PCDHGB1: variants seen among roughly 807,000 people sequenced by gnomAD.
PCDHGB1 encodes the protein protocadherin gamma-B1.
Under a neutral mutation model 56.6 loss-of-function variants are expected in PCDHGB1, and 34 were observed. The observed-to-expected ratio is 0.60, with a 90% CI of 0.46 to 0.80. The LOEUF is 0.80. Among genes scored for constraint, PCDHGB1 ranks in the 30% least tolerant of loss-of-function variants. The pLI is 0.00. For missense variants in PCDHGB1, 1,278 were observed against 1,204.6 expected (o/e 1.06, Z -0.90); for synonymous variants, 561 against 505.9 (o/e 1.11, Z -1.46).
At chr5:141,370,775 C>T (rs1767193256) in intron 1 of PCDHGB1, 2 of 1,613,848 alleles carry the variant, frequency 1.2e-6, no homozygotes, top group South Asian at 1.1e-5. Flanking sequence ...AGGATATTAA[C>T]GACAACCCAC....
In PCDHGB1 at chr5:141,389,793, C is replaced by T. The variant is rs773579820; in HGVS notation, c.2409+37124C>T. On this transcript the variant is annotated intron_variant, in intron 1 of 3. Coordinates refer to ENST00000523390, the MANE Select transcript of PCDHGB1 (RefSeq NM_018922.3). Reference sequence around the variant, plus strand: ...TGCCTTAGGCGACAGGGACGCCGTCCGCCAGCGCCTTCTGGTCGCCGTGCG... The same window carrying T: ...TGCCTTAGGCGACAGGGACGCCGTCTGCCAGCGCCTTCTGGTCGCCGTGCG... 8.7e-6 allele frequency: 14 copies of T among 1,613,452 alleles called. No homozygotes were observed. The Admixed American group carries it at 1.8e-4, about 21-fold the overall frequency.
At position 141,444,152 on chromosome 5, in the gene PCDHGB1, A is replaced by ATT. The variant is rs747671382; in HGVS notation, c.2410-50620_2410-50619dup. ...GATATGTGTCACTTGTGTGTACTGG[A>ATT]TTTTTTTTTTTTTTTTTTTTTTTTT... On this transcript the variant is annotated intron_variant, in intron 1 of 3. Coordinates refer to ENST00000523390, the MANE Select transcript of PCDHGB1 (RefSeq NM_018922.3). Among the ~76,000 whole-genome samples, 286 of 33,894 alleles carry ATT rather than the reference A, an allele frequency of 8.4e-3. 107 individuals carry two copies. The highest frequency in any genetic ancestry group is 0.011 in the African/African-American group (76 of 7,180). The allele number at this position is 33,894 out of a possible 152,430, so 22.2% of individuals were successfully genotyped here. A position where few individuals can be genotyped will look rare whatever the true frequency, so the allele number is the denominator to read the frequency against.
At chr5:141,365,941 T>A (rs1175439180) in intron 1 of PCDHGB1, 1 of 1,614,152 alleles carries the variant, frequency 6.2e-7, no homozygotes, top group East Asian at 2.2e-5. Context: ...CCAGCGACAG[T>A]GGGAACCCTC....
At chr5:141,362,593 A>G (rs777823530) in intron 1 of PCDHGB1, 1 of 1,589,406 alleles carries the variant, frequency 6.3e-7, no homozygotes, top group Non-Finnish European at 8.6e-7. Context: ...TTCTGGTTTT[A>G]TTGTTTCACC....
intron 1 of PCDHGB1, among the ~76,000 whole-genome samples, chr5:141,402,647 A>C (rs2094289901): frequency 6.6e-6 from 1 of 152,250 alleles, no homozygotes; most frequent in Non-Finnish European, 1.5e-5. Flanking sequence ...TCATAATTAG[A>C]AGAGAGTAGT....
intron 1 of PCDHGB1, chr5:141,360,095 C>T (rs1402675837): frequency 2.6e-6 from 4 of 1,524,018 alleles, no homozygotes; most frequent in South Asian, 2.6e-5. Context: ...CCCCGGAAGG[C>T]TTATTCCTCC....
chr5:141,398,497 G>A, intron 1 of PCDHGB1: 1 of 1,570,856 alleles, frequency 6.4e-7, no homozygotes, highest in Non-Finnish European at 8.6e-7. Context: ...TGTGGAGATC[G>A]AGGACATTAA....
At position 141,438,956 on chromosome 5, in the gene PCDHGB1, G is replaced by A. The variant is rs140181975; in HGVS notation, c.2410-55851G>A. 3.9e-3 allele frequency among the ~76,000 whole-genome samples: 592 copies of A among 151,974 alleles called. 6 individuals are homozygous for A. Among genetic ancestry groups the A allele is most frequent in the Admixed American group, 0.011 (171 of 15,242 alleles). On this transcript the variant is annotated intron_variant, in intron 1 of 3. Coordinates refer to ENST00000523390, the MANE Select transcript of PCDHGB1 (RefSeq NM_018922.3). ...GCTGGGATTATAGGCATGAGCCACCGCACCCTGCCAACTGTCTGACTTATC... is the reference window on the plus strand; with the variant it reads ...GCTGGGATTATAGGCATGAGCCACCACACCCTGCCAACTGTCTGACTTATC...
chr5:141,351,896 G>A lies in PCDHGB1; in HGVS notation c.1636G>A (p.Val546Met), dbSNP rs775011195. 2.2e-5 allele frequency: 35 copies of A among 1,613,322 alleles called. No individual in the cohort carries two copies. The highest frequency in any genetic ancestry group is 2.6e-5 in the Non-Finnish European group (31 of 1,179,764). The change falls in exon 1 of 4, where the codon GTG (valine) becomes ATG (methionine). Residue 546 changes from valine (V) to methionine (M), a missense_variant. Physicochemically the swap from Val to Met is conservative, Grantham distance 21. Transcript: ENST00000523390. The part of the protein sequence containing the change: ...PALSANVSLR[V>M]LVGDLNDNAP... ...GCTCAGCGCCAACGTGAGCCTGCGC[G>A]TGTTGGTGGGCGACCTCAATGACAA...
intron 1 of PCDHGB1, chr5:141,492,023 C>T: frequency 1.8e-6 from 1 of 564,804 alleles, no homozygotes; most frequent in Non-Finnish European, 3.0e-6. Context: ...TCGGGGGTCC[C>T]GGGAGGAGGC....
At chr5:141,383,386 G>A in intron 1 of PCDHGB1, 1 of 1,614,000 alleles carries the variant, frequency 6.2e-7, no homozygotes. Context: ...TCCAGATGTG[G>A]GCACGAACTC....
chr5:141,468,598 G>A (rs1250884127), intron 1 of PCDHGB1: 1 of 152,228 alleles, frequency 6.6e-6, no homozygotes, highest in African/African-American at 2.4e-5. Context: ...TGGGCGCGGT[G>A]GCTCACGCCT....
chr5:141,478,163 C>G (rs779617960), intron 1 of PCDHGB1: 22 of 1,614,028 alleles, frequency 1.4e-5, no homozygotes, highest in Non-Finnish European at 1.9e-5. Context: ...TGGCTCTGCC[C>G]CCCGGGAGCA....
intron 3 of PCDHGB1, 61 bp downstream of exon 3, chr5:141,505,542 A>C: frequency 2.6e-5 from 42 of 1,604,950 alleles, no homozygotes; most frequent in Non-Finnish European, 3.2e-5. Flanking sequence ...GGTGCATCTC[A>C]CAGCCACCAT....
At chr5:141,357,004 G>A (rs1280920888) in intron 1 of PCDHGB1, 2 of 1,614,086 alleles carry the variant, frequency 1.2e-6, no homozygotes, top group African/African-American at 1.3e-5. Flanking sequence ...AGGTCAGAAT[G>A]CCTGGCTGTC....
chr5:141,415,167 C>T (rs769256903), intron 1 of PCDHGB1: 3 of 1,613,894 alleles, frequency 1.9e-6, no homozygotes, highest in Admixed American at 3.3e-5. Flanking sequence ...CTGTCACGCT[C>T]ACCGTGGCCG....
At chr5:141,419,096 G>T in intron 1 of PCDHGB1, 9 of 1,613,918 alleles carry the variant, frequency 5.6e-6, no homozygotes, top group Non-Finnish European at 7.6e-6. Context: ...CCTGGATCGG[G>T]AGCAGACCCC....
intron 1 of PCDHGB1, chr5:141,400,209 G>A: frequency 6.2e-7 from 1 of 1,614,052 alleles, no homozygotes; most frequent in South Asian, 1.1e-5. Context: ...CCTTGGCCTT[G>A]ATCTCAGTGC....
Position 141,350,346 on chromosome 5 carries a change from A to G in PCDHGB1, c.86A>G (p.Gln29Arg). 6.4e-7 allele frequency: 1 copy of G among 1,557,504 alleles called. No individual in the cohort carries two copies. The highest frequency in any genetic ancestry group is 8.7e-7 in the Non-Finnish European group (1 of 1,152,406). The change falls in exon 1 of 4, where the codon CAG becomes CGG. Residue 29 changes from glutamine (Q) to arginine (R), a missense_variant. Coordinates refer to ENST00000523390, the MANE Select transcript of PCDHGB1 (RefSeq NM_018922.3). ...TCTTTGTTCTGCGGGGCCATCTCCC[A>G]GCAGATCCGATACACGATTCCAGAG... Reference protein sequence around the residue: ...LLSLFCGAISQQIRYTIPEEL... With the variant: ...LLSLFCGAISRQIRYTIPEEL...
Sources: gnomAD v4.1 joint callset for allele counts (sites outside exome capture counted in the v4.1 genomes callset) on GRCh38, gnomAD v4.1.1 for gene constraint, MANE v1.5 for transcripts, NCBI Gene and HGNC (gene_info 2026-07-23, HGNC 2026-07-21) for gene names.